The following SLC14A2 variants were observed in gnomAD, a reference collection of about 807,000 sequenced individuals.
SLC14A2 encodes solute carrier family 14 member 2.
A neutral mutation model predicts 104.6 loss-of-function variants in SLC14A2; 91 were observed. The observed-to-expected ratio is 0.87, with a 90% CI of 0.73 to 1.04. SLC14A2 has a LOEUF of 1.04. Among genes scored for constraint, SLC14A2 ranks in the 50% least tolerant of loss-of-function variants. The pLI is 0.00. For missense variants in SLC14A2, 1,189 were observed against 1,156.0 expected (o/e 1.03, Z -0.41); for synonymous variants, 476 against 466.4 (o/e 1.02, Z -0.27).
intron 1 of SLC14A2, among the ~76,000 whole-genome samples, chr18:45,448,604 C>T (rs2086808586): frequency 6.6e-6 from 1 of 152,156 alleles, no homozygotes; most frequent in Admixed American, 6.5e-5. Flanking sequence ...ATTTCAAGTC[C>T]TGTTGCTCTG....
intron 1 of SLC14A2, among the ~76,000 whole-genome samples, chr18:45,380,627 G>A (rs78989717): frequency 0.033 from 5,100 of 152,258 alleles, 113 homozygotes; most frequent in Non-Finnish European, 0.043. Flanking sequence ...GGGTGACACA[G>A]GGGCCTTGTT....
chr18:45,672,483 C>A (rs1293973739), intron 16 of SLC14A2, among the ~76,000 whole-genome samples: 1 of 151,086 alleles, frequency 6.6e-6, no homozygotes, highest in Non-Finnish European at 1.5e-5. Context: ...GAGCCAAGAT[C>A]ACGCCATTGC....
rs940555473 is a variant in SLC14A2, at chr18:45,478,359, G to A, written c.-124-4874G>A. Among the ~76,000 whole-genome samples, 4 of 152,188 alleles carry A rather than the reference G, an allele frequency of 2.6e-5. No individual in the cohort carries two copies. In the East Asian group the frequency reaches 7.7e-4, roughly 29 times the overall value. ...ATGAGATGAGCTGGGTACCGCAGTT[G>A]GAAATGCAGAAATCACCTGCCTTCT... On this transcript the variant is annotated intron_variant, in intron 1 of 20. Transcript: ENST00000586448.
At chr18:45,670,968 C>A (rs2046123398) in intron 16 of SLC14A2, among the ~76,000 whole-genome samples, 1 of 152,136 alleles carries the variant, frequency 6.6e-6, no homozygotes, top group Non-Finnish European at 1.5e-5. Flanking sequence ...TGGCTGAGAA[C>A]TATTTGTGTT....
chr18:45,563,893 C>T (rs2044234953), intron 2 of SLC14A2, among the ~76,000 whole-genome samples: 1 of 152,194 alleles, frequency 6.6e-6, no homozygotes, highest in Non-Finnish European at 1.5e-5. Context: ...TTTGGGAAAA[C>T]CTCTGTCAAG....
At chr18:45,566,890 A>G (rs1297232746) in intron 2 of SLC14A2, among the ~76,000 whole-genome samples, 1 of 152,172 alleles carries the variant, frequency 6.6e-6, no homozygotes, top group Non-Finnish European at 1.5e-5. Context: ...GGGGGTGTGC[A>G]CGTGTGCTTG....
chr18:45,418,596 G>C (rs559041089), intron 1 of SLC14A2, among the ~76,000 whole-genome samples: 14 of 152,330 alleles, frequency 9.2e-5, no homozygotes, highest in African/African-American at 3.4e-4. Flanking sequence ...CTTCAGGTCA[G>C]ATTTGAAGCT....
chr18:45,466,793 C>T (rs1321541007), intron 1 of SLC14A2, among the ~76,000 whole-genome samples: 1 of 151,840 alleles, frequency 6.6e-6, no homozygotes, highest in Non-Finnish European at 1.5e-5. Flanking sequence ...CAGCCAAGCA[C>T]CCTGTATACC....
chr18:45,264,374 A>G (rs779713855), intron 1 of SLC14A2, among the ~76,000 whole-genome samples: 4 of 152,224 alleles, frequency 2.6e-5, no homozygotes, highest in Admixed American at 6.5e-5. Context: ...AAGGCACATA[A>G]AGTATTTTCA....
At chr18:45,282,222 T>C (rs889644019) in intron 1 of SLC14A2, among the ~76,000 whole-genome samples, 4 of 152,108 alleles carry the variant, frequency 2.6e-5, no homozygotes, top group African/African-American at 9.7e-5. Flanking sequence ...AGGCCCTTCT[T>C]AGTCCAGGCT....
At chr18:45,592,079 A>C (rs2044655337) in intron 2 of SLC14A2, among the ~76,000 whole-genome samples, 1 of 152,232 alleles carries the variant, frequency 6.6e-6, no homozygotes, top group Non-Finnish European at 1.5e-5. Flanking sequence ...ACTGGGGTCA[A>C]GAAGAGTCAG....
At chr18:45,373,806 C>T (rs771595274) in intron 1 of SLC14A2, among the ~76,000 whole-genome samples, 37 of 152,256 alleles carry the variant, frequency 2.4e-4, no homozygotes, top group Middle Eastern at 6.8e-3. Context: ...CTCTATGCTT[C>T]GGTTCTCCTA....
At position 45,488,419 on chromosome 18, in the gene SLC14A2, G is replaced by A. The variant is rs551382857; in HGVS notation, c.-35+5097G>A. ...GGTAGTCCTGATATTGGCTTAGAAG[G>A]ATTCCAGCAACTTTCAGCAGGTACT... On this transcript the variant is annotated intron_variant, in intron 2 of 20. Transcript: ENST00000586448. Among the ~76,000 whole-genome samples the A allele has an allele frequency of 3.5e-4, 54 of 152,304 alleles. 1 individual carries two copies. In the South Asian group the frequency reaches 9.8e-3, roughly 28 times the overall value.
At chr18:45,570,663 A>G (rs1049709911) in intron 2 of SLC14A2, among the ~76,000 whole-genome samples, 2 of 152,246 alleles carry the variant, frequency 1.3e-5, no homozygotes, top group African/African-American at 2.4e-5. Context: ...ATCCAGGACC[A>G]CATGCCTTTG....
intron 2 of SLC14A2, among the ~76,000 whole-genome samples, chr18:45,532,180 G>A (rs2043703429): frequency 6.6e-6 from 1 of 152,104 alleles, no homozygotes; most frequent in Non-Finnish European, 1.5e-5. Flanking sequence ...ACTTGGCAGT[G>A]CGGGCTCTTT....
At chr18:45,255,826 C>T (rs2084471676) in intron 1 of SLC14A2, among the ~76,000 whole-genome samples, 1 of 152,096 alleles carries the variant, frequency 6.6e-6, no homozygotes, top group Non-Finnish European at 1.5e-5. Flanking sequence ...ACCCCCTGCA[C>T]CCCCTTCAAT....
At chr18:45,418,079 C>G (rs2086297711) in intron 1 of SLC14A2, among the ~76,000 whole-genome samples, 1 of 152,132 alleles carries the variant, frequency 6.6e-6, no homozygotes, top group Non-Finnish European at 1.5e-5. Context: ...CTTTTTGTTG[C>G]TTTTCCTTTG....
chr18:45,325,146 C>G (rs1201727149), intron 1 of SLC14A2, among the ~76,000 whole-genome samples: 1 of 152,188 alleles, frequency 6.6e-6, no homozygotes, highest in East Asian at 1.9e-4. Flanking sequence ...GGTGACAGTG[C>G]TCTCATTAGC....
At chr18:45,449,320 TTCACCTATGAGAATC>T (rs1020684165) in intron 1 of SLC14A2, among the ~76,000 whole-genome samples, 3 of 152,178 alleles carry the variant, frequency 2.0e-5, no homozygotes, top group Non-Finnish European at 4.4e-5. Flanking sequence ...ATCCCACTTC[TTCACCTATGAGAATC>T]TCACCTATCC....
Sources: allele counts gnomAD v4.1 joint callset (sites outside exome capture counted in the v4.1 genomes callset), GRCh38; gene constraint gnomAD v4.1.1; transcripts MANE v1.5; gene names NCBI Gene and HGNC (gene_info 2026-07-23, HGNC 2026-07-21).